The following ZC3H11A variants were observed in gnomAD, a reference collection of about 807,000 sequenced individuals.
The protein encoded by ZC3H11A is zinc finger CCCH-type containing 11A, also known as zinc finger CCCH domain-containing protein 11A.
Under a neutral mutation model 90.8 loss-of-function variants are expected in ZC3H11A, and 22 were observed. The ratio of observed to expected loss-of-function variants is 0.24; its 90% CI spans 0.17 to 0.35. ZC3H11A has a LOEUF of 0.35. ZC3H11A is among the 10% of genes least tolerant of loss of function. The probability of loss-of-function intolerance (pLI) is 1.00; values close to 1 mark genes in which losing one functional copy is unlikely to be tolerated. For missense variants in ZC3H11A, 701 were observed against 964.9 expected, an observed-to-expected ratio of 0.73 and a Z score of 3.62; for synonymous variants, 294 against 339.8, an observed-to-expected ratio of 0.87 and a Z score of 1.48.
chr1:203,804,746 C>CT (rs1671696153), intron 2 of ZC3H11A, among the ~76,000 whole-genome samples: 4 of 149,354 alleles, frequency 2.7e-5, no homozygotes, highest in African/African-American at 9.9e-5. Context: ...TGTCTTGGCT[C>CT]ATTGCAACCT....
At chr1:203,805,773 C>A in intron 2 of ZC3H11A, 1 of 693,630 alleles carries the variant, frequency 1.4e-6, no homozygotes, top group Non-Finnish European at 2.7e-6. Flanking sequence ...CCAGTGTATC[C>A]AACTCTGCTT....
chr1:203,818,839 G>A, intron 4 of ZC3H11A, 150 bp downstream of exon 4: 2 of 1,262,344 alleles, frequency 1.6e-6, no homozygotes, highest in Non-Finnish European at 2.2e-6. Flanking sequence ...GGAGGCTGAG[G>A]CGGGTAGATC....
At chr1:203,817,990 G>T (rs1676934298) in intron 3 of ZC3H11A, among the ~76,000 whole-genome samples, 1 of 151,900 alleles carries the variant, frequency 6.6e-6, no homozygotes, top group Non-Finnish European at 1.5e-5. Context: ...CTTGTGATCT[G>T]CCCGCCTCGG....
At chr1:203,796,749 T>C (rs1668645195) in intron 1 of ZC3H11A, 2 of 311,204 alleles carry the variant, frequency 6.4e-6, no homozygotes, top group Admixed American at 5.0e-5. Context: ...TCTAAAAATA[T>C]CTGAAAACTA....
rs2103042869 is a variant in ZC3H11A at position 203,831,771 on chromosome 1, G to A, written c.811G>A (p.Gly271Arg). 6.2e-7 allele frequency: 1 copy of A among 1,609,790 alleles called. No homozygotes were observed. The highest frequency in any genetic ancestry group is 1.1e-5 in the South Asian group (1 of 90,244). Residue 271 changes from glycine (G) to arginine (R), a missense_variant and splice_region_variant, in exon 9 of 18, where the codon GGA becomes AGA. Around this residue, in one of 4 missense-constraint regions of ZC3H11A, gnomAD observed 530 missense variants for 696.2 expected, o/e 0.76. Coordinates refer to ENST00000367210, the MANE Select transcript of ZC3H11A (RefSeq NM_001376342.1). Reference protein sequence around the residue: ...VRTVTLSTKQGEEPLVRLSLT... With the variant: ...VRTVTLSTKQREEPLVRLSLT... Reference sequence around the variant, plus strand: ...GACAGTAACTCTCTCCACCAAACAAGGTAAGGTATAGATAGGTCTTAGAGT... The same window carrying A: ...GACAGTAACTCTCTCCACCAAACAAAGTAAGGTATAGATAGGTCTTAGAGT...
At chr1:203,798,919 A>G (rs1558087691) in intron 1 of ZC3H11A, 1 of 1,536,114 alleles carries the variant, frequency 6.5e-7, no homozygotes, top group African/African-American at 1.4e-5. Context: ...TGTGTCAGAG[A>G]AAAAATTTTC....
intron 14 of ZC3H11A, among the ~76,000 whole-genome samples, chr1:203,848,703 C>A (rs1381479416): frequency 1.3e-5 from 2 of 152,114 alleles, no homozygotes; most frequent in Admixed American, 6.6e-5. Context: ...CTGGCTAACA[C>A]GGTGAAACCC....
intron 1 of ZC3H11A, chr1:203,796,164 C>A: frequency 3.0e-6 from 1 of 337,572 alleles, no homozygotes. Context: ...CCCCGAATCC[C>A]GAAGAGAGAA....
intron 2 of ZC3H11A, among the ~76,000 whole-genome samples, chr1:203,809,050 G>T (rs992391483): frequency 6.6e-6 from 1 of 151,536 alleles, no homozygotes; most frequent in Non-Finnish European, 1.5e-5. Flanking sequence ...AGCTGGTCTC[G>T]AACTCCTGAC....
intron 11 of ZC3H11A, among the ~76,000 whole-genome samples, chr1:203,839,334 G>A (rs375945922): frequency 1.5e-4 from 23 of 152,170 alleles, no homozygotes; most frequent in African/African-American, 2.4e-5. Flanking sequence ...GCACTATTGC[G>A]CCCCTCAGGG....
At chr1:203,820,079 A>T (rs1029305983) in intron 4 of ZC3H11A, among the ~76,000 whole-genome samples, 1 of 151,672 alleles carries the variant, frequency 6.6e-6, no homozygotes, top group Non-Finnish European at 1.5e-5. Context: ...TACTAAAAAT[A>T]TAAAAATTAG....
At chr1:203,812,923 T>TGC (rs1384472188) in intron 2 of ZC3H11A, among the ~76,000 whole-genome samples, 5 of 152,328 alleles carry the variant, frequency 3.3e-5, no homozygotes, top group African/African-American at 1.2e-4. Context: ...TCCCTAATGA[T>TGC]GCATGATGTT....
At chr1:203,798,205 T>C in intron 1 of ZC3H11A, 1 of 1,536,144 alleles carries the variant, frequency 6.5e-7, no homozygotes, top group Non-Finnish European at 8.7e-7. Context: ...GATAATAGAA[T>C]GGGCAAGAAG....
At position 203,823,090 on chromosome 1, in the gene ZC3H11A, T is replaced by C. The variant is rs200004611; in HGVS notation, c.174+4401T>C. 5.3e-5 allele frequency among the ~76,000 whole-genome samples: 8 copies of C among 150,520 alleles called. 1 individual carries two copies. Among genetic ancestry groups the C allele is most frequent in the Non-Finnish European group, 8.9e-5 (6 of 67,562 alleles). On this transcript the variant is annotated intron_variant, in intron 4 of 17. Transcript: ENST00000367210. ...TTTATGTTATAACATGAAAAGTCAA[T>C]GTTGTAACATTTTTAGTGGAGTGTA...
chr1:203,834,101 T>G (rs1428014206), intron 10 of ZC3H11A: 1 of 1,166,544 alleles, frequency 8.6e-7, no homozygotes, highest in Non-Finnish European at 1.1e-6. Context: ...ATTTTAAAAA[T>G]GGTAAAGAAC....
At chr1:203,841,142 CTTTTT>C in intron 12 of ZC3H11A, among the ~76,000 whole-genome samples, 1 of 129,834 alleles carries the variant, frequency 7.7e-6, no homozygotes, top group South Asian at 2.4e-4. Context: ...ACATAAGAAT[CTTTTT>C]TTTTTTTTTA....
intron 9 of ZC3H11A, 59 bp from the exon 10 acceptor site, chr1:203,833,731 TA>T: frequency 6.9e-7 from 1 of 1,452,980 alleles, no homozygotes; most frequent in Non-Finnish European, 9.5e-7. Flanking sequence ...TACCCATTAG[TA>T]GTTACTGAAT....
intron 1 of ZC3H11A, chr1:203,797,678 G>A: frequency 6.5e-7 from 1 of 1,535,904 alleles, no homozygotes; most frequent in Non-Finnish European, 8.7e-7. Context: ...CAGAAGGAGT[G>A]AATAAAGAGG....
intron 13 of ZC3H11A, 108 bp from the exon 14 acceptor site, chr1:203,848,223 T>C (rs1688404321): frequency 1.1e-6 from 1 of 914,468 alleles, no homozygotes; most frequent in Admixed American, 2.4e-5. Context: ...TCTGTAATTT[T>C]ATTTGTCCTG....
Sources: allele counts gnomAD v4.1 joint callset (sites outside exome capture counted in the v4.1 genomes callset), GRCh38; gene constraint gnomAD v4.1.1; regional missense constraint gnomAD v4.1.1; transcripts MANE v1.5; gene names NCBI Gene and HGNC (gene_info 2026-07-23, HGNC 2026-07-21).